STARD9: variants seen among roughly 807,000 people sequenced by gnomAD.
STARD9 encodes the protein stAR-related lipid transfer protein 9.
A neutral mutation model predicts 399.8 loss-of-function variants in STARD9; 346 were observed. The observed-to-expected ratio is 0.87, with a 90% CI of 0.79 to 0.95. The LOEUF (loss-of-function observed/expected upper bound fraction) is 0.95, where lower values mean the gene tolerates loss of function less well. STARD9 is among the 40% of genes least tolerant of loss of function. The probability of loss-of-function intolerance (pLI) is 0.00; values close to 1 mark genes in which losing one functional copy is unlikely to be tolerated. For missense variants in STARD9, 5,832 were observed against 5,667.5 expected (o/e 1.03, Z -0.93); for synonymous variants, 2,203 against 2,143.5 (o/e 1.03, Z -0.77).
In STARD9 at chr15:42,692,496, C is replaced by T. The variant is rs1161744164; in HGVS notation, c.10918C>T (p.Gln3640Ter). The T allele has an allele frequency of 1.3e-6, 2 of 1,537,142 alleles. No homozygotes were observed. The highest frequency in any genetic ancestry group is 1.7e-6 in the Non-Finnish European group (2 of 1,146,906). ...VGQTRTNTFEQGTQTLGSRRH... is the reference protein window; with the variant it reads ...VGQTRTNTFE ...ACAGACCAGGACGAACACATTCGAA[C>T]AGGGCACACAGACCCTCGGCAGCAG... is the stretch of plus-strand genomic sequence containing the variant. Residue 3640 changes from glutamine (Q) to a stop codon, truncating the protein, a stop_gained, in exon 23 of 33, where the codon CAG (glutamine) becomes TAG (stop). Coordinates refer to ENST00000290607, the MANE Select transcript of STARD9 (RefSeq NM_020759.3). LOFTEE classifies it high-confidence loss of function.
intron 3 of STARD9, among the ~76,000 whole-genome samples, chr15:42,614,857 C>T (rs1362355547): frequency 1.3e-5 from 2 of 151,668 alleles, no homozygotes; most frequent in African/African-American, 2.4e-5. Context: ...CCCAGCTACT[C>T]GGGAGGCTGA....
rs935365672 is a variant in STARD9, at chr15:42,718,472, G to A, written c.13800G>A (p.Lys4600=). ...LVCNTTLCAL[K]QPRDFCCVCV... ...GCAACACCACCCTGTGCGCACTGAA[G>A]CAGCCACGGGATTTCTGTTGTGTCT... is the stretch of plus-strand genomic sequence containing the variant. The change falls in exon 31 of 33, where the codon AAG becomes AAA. Residue 4600 remains lysine (K), a synonymous_variant. Transcript: ENST00000290607. 1.3e-6 allele frequency: 2 copies of A among 1,537,150 alleles called. No homozygotes were observed. Among genetic ancestry groups the A allele is most frequent in the East Asian group, 4.9e-5 (2 of 40,924 alleles).
At chr15:42,667,014 C>T (rs1273756554) in intron 15 of STARD9, among the ~76,000 whole-genome samples, 1 of 151,942 alleles carries the variant, frequency 6.6e-6, no homozygotes, top group African/African-American at 2.4e-5. Flanking sequence ...GGGGTTTCAC[C>T]ACATTGGCCA....
At chr15:42,643,589 C>T (rs1010554058) in intron 7 of STARD9, among the ~76,000 whole-genome samples, 1 of 152,110 alleles carries the variant, frequency 6.6e-6, no homozygotes, top group South Asian at 2.1e-4. Flanking sequence ...CTCCCGGGTT[C>T]AAGCGATTCT....
chr15:42,674,903 C>T lies in STARD9; in HGVS notation c.1626C>T (p.Ala542=), dbSNP rs2060278381. The change falls in exon 18 of 33, where the codon GCC becomes GCT. Residue 542 remains alanine (A), a synonymous_variant. Coordinates refer to ENST00000290607, the MANE Select transcript of STARD9 (RefSeq NM_020759.3). ...GTGGTGTAGTTGTTCTACGACCTGC[C>T]CGTGGGGCCCGCTGTACAGTCAATG... is the stretch of plus-strand genomic sequence containing the variant. ...SACGVVVLRP[A]RGARCTVNGR... The T allele has an allele frequency of 1.3e-6, 2 of 1,537,044 alleles. No homozygotes were observed. The highest frequency in any genetic ancestry group is 1.7e-6 in the Non-Finnish European group (2 of 1,146,794).
intron 1 of STARD9, among the ~76,000 whole-genome samples, chr15:42,579,823 G>T (rs2058130835): frequency 6.6e-6 from 1 of 152,090 alleles, no homozygotes; most frequent in South Asian, 2.1e-4. Flanking sequence ...ACTTAAAAAT[G>T]ACTACTGAGA....
At position 42,688,136 on chromosome 15, in the gene STARD9, A is replaced by G; in HGVS notation, c.6558A>G (p.Lys2186=). The change falls in exon 23 of 33, where the codon AAA becomes AAG. Residue 2186 remains lysine, a synonymous_variant. Coordinates refer to ENST00000290607, the MANE Select transcript of STARD9 (RefSeq NM_020759.3). Reference sequence around the variant, plus strand: ...GGGATATTTGTGATTCTTTAGGGAAACACACAACTTGCAGAGAGTTCACCA... The same window carrying G: ...GGGATATTTGTGATTCTTTAGGGAAGCACACAACTTGCAGAGAGTTCACCA... ...PARDICDSLG[K]HTTCREFTNT... The G allele has an allele frequency of 6.5e-7, 1 of 1,537,306 alleles. No individual in the cohort carries two copies. The highest frequency in any genetic ancestry group is 8.7e-7 in the Non-Finnish European group (1 of 1,146,890).
intron 9 of STARD9, among the ~76,000 whole-genome samples, chr15:42,653,485 G>T (rs56839966): frequency 0.14 from 21,929 of 152,126 alleles, 4,319 homozygotes; most frequent in African/African-American, 0.45. Flanking sequence ...ACACATCATA[G>T]TTAAACTGTT....
intron 20 of STARD9, among the ~76,000 whole-genome samples, chr15:42,680,889 A>T (rs1329262459): frequency 1.3e-5 from 2 of 152,164 alleles, no homozygotes; most frequent in Non-Finnish European, 2.9e-5. Context: ...GGTCACACAC[A>T]CACAGGCGTG....
intron 1 of STARD9, chr15:42,581,166 T>A: frequency 1.3e-6 from 1 of 758,714 alleles, no homozygotes; most frequent in South Asian, 1.4e-5. Flanking sequence ...CCCAGCTGCA[T>A]GTTTCCTGTC....
In STARD9 at chr15:42,691,507, C is replaced by T. The variant is rs1285493907; in HGVS notation, c.9929C>T (p.Thr3310Ile). ...PNHRGSLPVT[T>I]IFSGPKHSRS... ...CACAGGGGCTCACTTCCTGTGACTA[C>T]AATCTTCTCTGGCCCCAAACACTCC... The change falls in exon 23 of 33, where the codon ACA (threonine) becomes ATA (isoleucine). Residue 3310 changes from threonine (T) to isoleucine (I), a missense_variant. This residue lies in a region of STARD9 where 5,828 missense variants were observed against 5,651.1 expected (regional missense o/e 1.03). Coordinates refer to ENST00000290607, the MANE Select transcript of STARD9 (RefSeq NM_020759.3). The T allele has an allele frequency of 2.6e-6, 4 of 1,537,256 alleles. No individual in the cohort carries two copies. The highest frequency in any genetic ancestry group is 3.5e-6 in the Non-Finnish European group (4 of 1,146,896).
chr15:42,696,635 ACCT>A (rs1301053030), intron 26 of STARD9, among the ~76,000 whole-genome samples: 2 of 151,892 alleles, frequency 1.3e-5, no homozygotes, highest in Non-Finnish European at 2.9e-5. Context: ...GCTGTGGGAG[ACCT>A]CCTAGATGAC....
At chr15:42,696,376 G>A (rs952926758) in intron 26 of STARD9, among the ~76,000 whole-genome samples, 5 of 152,208 alleles carry the variant, frequency 3.3e-5, no homozygotes, top group African/African-American at 1.2e-4. Context: ...GGCCTAGCAA[G>A]TGAGGCCTTG....
intron 4 of STARD9, among the ~76,000 whole-genome samples, chr15:42,636,114 T>C (rs908563981): frequency 1.3e-5 from 2 of 152,062 alleles, no homozygotes; most frequent in Non-Finnish European, 2.9e-5. Flanking sequence ...CTAGGCAACA[T>C]AGGGAGACTC....
At chr15:42,668,326 T>C (rs936472115) in intron 15 of STARD9, among the ~76,000 whole-genome samples, 1 of 152,318 alleles carries the variant, frequency 6.6e-6, no homozygotes, top group East Asian at 1.9e-4. Context: ...AAACCTGGCA[T>C]AATTTTTTTT....
chr15:42,615,748 T>C (rs2058950741), intron 3 of STARD9, among the ~76,000 whole-genome samples: 1 of 151,690 alleles, frequency 6.6e-6, no homozygotes, highest in Non-Finnish European at 1.5e-5. Context: ...CGTTCCCACC[T>C]CAGCATGAAT....
chr15:42,588,776 GTTTTTTTTTTTTTTTT>G (rs758570571), intron 3 of STARD9, among the ~76,000 whole-genome samples: 36 of 38,406 alleles, frequency 9.4e-4, no homozygotes, highest in South Asian at 4.0e-3. Flanking sequence ...TCTTCACAGC[GTTTTTTTTTTTTTTTT>G]TTTTTTTTTT....
At chr15:42,717,633 A>G (rs1442932929) in intron 28 of STARD9, 98 bp from the exon 29 acceptor site, 15 of 1,098,408 alleles carry the variant, frequency 1.4e-5, no homozygotes, top group Non-Finnish European at 1.9e-5. Flanking sequence ...TCAAAAAAAA[A>G]GAAAAGGGGA....
chr15:42,679,754 G>A (rs887480564), intron 20 of STARD9, among the ~76,000 whole-genome samples: 2 of 152,166 alleles, frequency 1.3e-5, no homozygotes, highest in Non-Finnish European at 2.9e-5. Flanking sequence ...TAGACAGTAC[G>A]TAAATAAATG....
Sources: allele counts gnomAD v4.1 joint callset (sites outside exome capture counted in the v4.1 genomes callset), GRCh38; gene constraint gnomAD v4.1.1; regional missense constraint gnomAD v4.1.1; transcripts MANE v1.5; gene names NCBI Gene and HGNC (gene_info 2026-07-23, HGNC 2026-07-21).